Variants in CREBBP observed in about 807,000 individuals in gnomAD.
CREBBP encodes CREB binding lysine acetyltransferase, also known as CREB-binding protein.
In CREBBP, 19 loss-of-function variants were observed where a neutral mutation model predicts 265.0. The ratio of observed to expected loss-of-function variants is 0.07; its 90% CI spans 0.05 to 0.11. The LOEUF is 0.11. Ranked by LOEUF, CREBBP falls within the 10% of genes least tolerant of loss-of-function variation. The pLI, the probability that CREBBP is intolerant of heterozygous loss-of-function variation, is 1.00. For synonymous variants in CREBBP, 1,457 were observed against 1,223.7 expected (o/e 1.19, Z -3.98); for missense variants, 2,525 against 3,219.0 (o/e 0.78, Z 5.22).
chr16:3,761,782 C>G (rs1344455159), intron 16 of CREBBP, among the ~76,000 whole-genome samples: 2 of 152,242 alleles, frequency 1.3e-5, no homozygotes, highest in African/African-American at 4.8e-5. Context: ...CACAGCCTTG[C>G]TTCCTACTAA....
chr16:3,789,343 C>T (rs953056280), intron 5 of CREBBP, among the ~76,000 whole-genome samples: 7 of 152,302 alleles, frequency 4.6e-5, no homozygotes, highest in Admixed American at 3.3e-4. Flanking sequence ...GTGCACTGTG[C>T]AGACACTGTC....
chr16:3,835,804 T>G (rs1220659767), intron 2 of CREBBP, among the ~76,000 whole-genome samples: 1 of 151,694 alleles, frequency 6.6e-6, no homozygotes, highest in Non-Finnish European at 1.5e-5. Context: ...ATGGTCTCGA[T>G]CTCCTGACCT....
Position 3,817,246 on chromosome 16 carries a change from C to T in CREBBP, c.799-6467G>A, listed in dbSNP as rs369075389. 1.1e-4 allele frequency among the ~76,000 whole-genome samples: 17 copies of T among 152,326 alleles called. No individual in the cohort carries two copies. In the East Asian group the frequency reaches 1.9e-3, roughly 17 times the overall value. ...ACTTTGGTACAAGGCCCCACTCATG[C>T]CCTTACCCAGAGCTTTCCACTTGCA... is the stretch of plus-strand genomic sequence containing the variant. On this transcript the variant is annotated intron_variant, in intron 2 of 30. Transcript: ENST00000262367.
intron 2 of CREBBP, among the ~76,000 whole-genome samples, chr16:3,843,151 T>A (rs2054598812): frequency 6.6e-6 from 1 of 152,152 alleles, no homozygotes. Flanking sequence ...CAGGCTGCAT[T>A]GCATTAGTGT....
chr16:3,853,413 A>T (rs1250787557), intron 1 of CREBBP, among the ~76,000 whole-genome samples: 1 of 150,202 alleles, frequency 6.7e-6, no homozygotes, highest in Non-Finnish European at 1.5e-5. Flanking sequence ...GATTGAGACC[A>T]TCCTGGCTAA....
chr16:3,855,489 T>C (rs2054941921), intron 1 of CREBBP, among the ~76,000 whole-genome samples: 1 of 152,202 alleles, frequency 6.6e-6, no homozygotes, highest in South Asian at 2.1e-4. Context: ...GGTTTCGAAC[T>C]TCTGACCTCA....
chr16:3,734,823 C>G (rs2052009637), intron 28 of CREBBP, among the ~76,000 whole-genome samples: 1 of 152,202 alleles, frequency 6.6e-6, no homozygotes, highest in Admixed American at 6.5e-5. Flanking sequence ...GCTCCGCCTA[C>G]AGCCCATCCG....
intron 2 of CREBBP, among the ~76,000 whole-genome samples, chr16:3,811,418 G>A (rs1310703042): frequency 6.6e-6 from 1 of 152,204 alleles, no homozygotes; most frequent in Non-Finnish European, 1.5e-5. Flanking sequence ...TGAAGACAAT[G>A]AGGATGAAGA....
rs2151316161 is a variant in CREBBP, at chr16:3,731,247, G to A, written c.5117C>T (p.Thr1706Ile). ...HTQGQDRFVYTCNECKHHVET... is the reference protein window; with the variant it reads ...HTQGQDRFVYICNECKHHVET... The stretch of plus-strand genomic sequence containing the variant: ...CACGTGGTGCTTGCACTCGTTGCAG[G>A]TGTAGACAAAGCGGTCCTGGCCCTG... The change falls in exon 30 of 31, where the codon ACC becomes ATC. Residue 1706 changes from threonine to isoleucine, a missense_variant. Around this residue, in one of 19 missense-constraint regions of CREBBP, gnomAD observed 62 missense variants for 156.2 expected, o/e 0.40. Transcript: ENST00000262367. This position sits in a 1 kb window ranked among gnomAD's most constrained non-coding sequence, Gnocchi z 7.7. 1 of 1,614,204 alleles carries A rather than the reference G, an allele frequency of 6.2e-7. No individual in the cohort carries two copies.
chr16:3,871,709 A>C (rs2055303150), intron 1 of CREBBP, among the ~76,000 whole-genome samples: 1 of 152,224 alleles, frequency 6.6e-6, no homozygotes, highest in Non-Finnish European at 1.5e-5. Context: ...AGAAAAATCC[A>C]AACTAGGGGG....
intron 2 of CREBBP, among the ~76,000 whole-genome samples, chr16:3,835,606 G>A (rs541193125): frequency 7.1e-6 from 1 of 141,576 alleles, no homozygotes; most frequent in South Asian, 2.2e-4. Flanking sequence ...TTGAGACGGA[G>A]TCTTGCTCTG....
chr16:3,837,208 G>C (rs1248402749), intron 2 of CREBBP, among the ~76,000 whole-genome samples: 1 of 152,128 alleles, frequency 6.6e-6, no homozygotes, highest in African/African-American at 2.4e-5. Context: ...AGATGTGGAG[G>C]AGAAAAACAG....
intron 1 of CREBBP, among the ~76,000 whole-genome samples, chr16:3,869,180 G>T (rs764980323): frequency 6.6e-6 from 1 of 152,188 alleles, no homozygotes; most frequent in East Asian, 1.9e-4. Context: ...CTTCAAAACA[G>T]GCTCAGTCCC....
At chr16:3,756,904 T>TA (rs1474544568) in intron 19 of CREBBP, among the ~76,000 whole-genome samples, 1 of 152,218 alleles carries the variant, frequency 6.6e-6, no homozygotes, top group Non-Finnish European at 1.5e-5. Flanking sequence ...ATAACGTACC[T>TA]AATCCAAGTA....
In CREBBP at chr16:3,727,369, GAATAT is replaced by G. The variant is rs2051771167; in HGVS notation, c.*344_*348del. ...TCTTGAAAATACAAATAAAAAATAT[GAATAT>G]AATGAACTTGTTTTTCCCGTTAAAA... is the stretch of plus-strand genomic sequence containing the variant. On this transcript the variant is annotated 3_prime_UTR_variant, in exon 31 of 31. Transcript: ENST00000262367. 3.6e-6 allele frequency: 1 copy of G among 274,458 alleles called. No individual in the cohort carries two copies. The highest frequency in any genetic ancestry group is 2.2e-5 in the African/African-American group (1 of 45,262). The allele number at this position is 274,458 out of a possible 1,614,324, so 17.0% of individuals were successfully genotyped here.
chr16:3,787,084 AAAG>A (rs1231466135), intron 5 of CREBBP, among the ~76,000 whole-genome samples: 2 of 152,118 alleles, frequency 1.3e-5, no homozygotes, highest in African/African-American at 4.8e-5. Context: ...AAAAAAAAAA[AAAG>A]AATTTATTCA....
In CREBBP at chr16:3,874,514, C is replaced by T. The variant is rs2055361007; in HGVS notation, c.85+5318G>A. Among the ~76,000 whole-genome samples the T allele has an allele frequency of 1.3e-5, 2 of 152,256 alleles. 1 individual carries two copies. The highest frequency in any genetic ancestry group is 4.1e-4 in the South Asian group (2 of 4,836). ...CTGGAACACAGCCAGGCCCACTCGCCTATGGCTACTTTCTTGCTGAAATGG... is the reference window on the plus strand; with the variant it reads ...CTGGAACACAGCCAGGCCCACTCGCTTATGGCTACTTTCTTGCTGAAATGG... On this transcript the variant is annotated intron_variant, in intron 1 of 30. Coordinates refer to ENST00000262367, the MANE Select transcript of CREBBP (RefSeq NM_004380.3).
chr16:3,729,936 T>C, intron 30 of CREBBP, 62 bp from the exon 31 acceptor site: 1 of 1,583,450 alleles, frequency 6.3e-7, no homozygotes, highest in East Asian at 2.3e-5. Context: ...CCAGGCATCC[T>C]GGCTGCTTCC....
At chr16:3,798,335 A>G (rs77462877) in intron 3 of CREBBP, among the ~76,000 whole-genome samples, 1 of 152,272 alleles carries the variant, frequency 6.6e-6, no homozygotes, top group African/African-American at 2.4e-5. Context: ...TTCATAAAAA[A>G]TTAAACTTTT....
Sources: allele counts gnomAD v4.1 joint callset (sites outside exome capture counted in the v4.1 genomes callset), GRCh38; gene constraint gnomAD v4.1.1; regional missense constraint gnomAD v4.1.1; non-coding constraint Gnocchi (gnomAD v3.1); transcripts MANE v1.5; gene names NCBI Gene and HGNC (gene_info 2026-07-23, HGNC 2026-07-21).